Variants in MPDZ observed in about 807,000 individuals in gnomAD.
The protein encoded by MPDZ is multiple PDZ domain crumbs cell polarity complex component, also known as multiple PDZ domain protein.
In MPDZ, 234 loss-of-function variants were observed where a neutral mutation model predicts 239.1. The ratio of observed to expected loss-of-function variants is 0.98; its 90% confidence interval spans 0.88 to 1.09. MPDZ has a LOEUF of 1.09. Ranked by LOEUF, MPDZ falls within the 50% of genes least tolerant of loss-of-function variation. The pLI, the probability that MPDZ is intolerant of heterozygous loss-of-function variation, is 0.00. For missense variants in MPDZ, 3,175 were observed against 2,510.0 expected, an observed-to-expected ratio of 1.26 and a Z score of -5.66; for synonymous variants, 1,048 against 881.3, an observed-to-expected ratio of 1.19 and a Z score of -3.35.
intron 10 of MPDZ, among the ~76,000 whole-genome samples, chr9:13,215,048 C>T (rs1020492459): frequency 1.6e-4 from 25 of 152,086 alleles, no homozygotes; most frequent in Middle Eastern, 6.8e-3. Context: ...AGTATATTCA[C>T]ATCATTGTGC....
chr9:13,177,083 T>C (rs1232726651), intron 19 of MPDZ, among the ~76,000 whole-genome samples: 2 of 152,194 alleles, frequency 1.3e-5, no homozygotes, highest in Non-Finnish European at 2.9e-5. Context: ...CCTCTCTTTA[T>C]ATAATTTCTA....
Position 13,250,848 on chromosome 9 carries a change from G to A in MPDZ, c.-57-476C>T, listed in dbSNP as rs540398356. 4.6e-5 allele frequency among the ~76,000 whole-genome samples: 7 copies of A among 152,196 alleles called. No homozygotes were observed. In the South Asian group the frequency reaches 6.2e-4, roughly 14 times the overall value. ...CATACCTATTAGAAATGAACTGTGG[G>A]CTGGGCATGGTGGCTCACATCTTTA... is the stretch of plus-strand genomic sequence containing the variant. On this transcript the variant is annotated intron_variant, in intron 1 of 46. Transcript: ENST00000319217.
intron 28 of MPDZ, among the ~76,000 whole-genome samples, chr9:13,139,665 C>T (rs1263932876): frequency 6.6e-6 from 1 of 152,106 alleles, no homozygotes; most frequent in East Asian, 1.9e-4. Flanking sequence ...ATCTGATGCC[C>T]AGAAAGGGGT....
rs1241654978 is a variant in MPDZ, at chr9:13,272,577, G to C, written c.-58+6823C>G. 4.7e-4 allele frequency among the ~76,000 whole-genome samples: 71 copies of C among 151,716 alleles called. 1 individual carries two copies. Among genetic ancestry groups the C allele is most frequent in the Admixed American group, 4.7e-3 (71 of 15,206 alleles). On this transcript the variant is annotated intron_variant, in intron 1 of 46. Transcript: ENST00000319217. ...CTGTAATCCCAAATTAGAAAATGAG[G>C]CCGAGCGTGGTGGCTCACTCCTGTA...
At position 13,126,595 on chromosome 9, in the gene MPDZ, A is replaced by C. The variant is rs1299865972; in HGVS notation, c.4558-5T>G. On this transcript the variant is annotated splice_polypyrimidine_tract_variant and splice_region_variant and intron_variant, in intron 33 of 46. Transcript: ENST00000319217. ...TCCGACTTTGAGTCGTCCATCCTAA[A>C]TGGAAACGTAGAAGAATTTGAGTGA... 6.2e-7 allele frequency: 1 copy of C among 1,606,836 alleles called. No homozygotes were observed. The highest frequency in any genetic ancestry group is 1.3e-5 in the African/African-American group (1 of 74,918).
chr9:13,226,346 A>G (rs192639673), intron 3 of MPDZ, among the ~76,000 whole-genome samples: 3 of 152,270 alleles, frequency 2.0e-5, no homozygotes, highest in Non-Finnish European at 4.4e-5. Flanking sequence ...TTTCATATTT[A>G]TGTTGGGTGC....
chr9:13,114,305 T>C (rs1324379023), intron 40 of MPDZ, among the ~76,000 whole-genome samples: 2 of 152,192 alleles, frequency 1.3e-5, no homozygotes. Flanking sequence ...TAATCTTCTT[T>C]AAATTTAAAC....
intron 1 of MPDZ, among the ~76,000 whole-genome samples, chr9:13,271,572 T>A (rs1012761440): frequency 1.9e-4 from 29 of 152,276 alleles, no homozygotes; most frequent in Non-Finnish European, 3.5e-4. Flanking sequence ...CTTCTTTGGG[T>A]CTCTTCTTTT....
intron 39 of MPDZ, among the ~76,000 whole-genome samples, chr9:13,119,212 T>G (rs1943956183): frequency 6.6e-6 from 1 of 152,188 alleles, no homozygotes. Flanking sequence ...GCCTTCTGAG[T>G]AGCTGGGACT....
chr9:13,196,248 ATT>A lies in MPDZ; in HGVS notation c.1547-20_1547-19del. On this transcript the variant is annotated intron_variant, in intron 12 of 46. Coordinates refer to ENST00000319217, the MANE Select transcript of MPDZ (RefSeq NM_001378778.1). ...TGGATACCCTGAAACAGTCAAGGCAATTAAGTTAGCAGCAAACTACAGAAATC... is the reference window on the plus strand; with the variant it reads ...TGGATACCCTGAAACAGTCAAGGCAAAAGTTAGCAGCAAACTACAGAAATC... 6.5e-7 allele frequency: 1 copy of A among 1,534,218 alleles called. No individual in the cohort carries two copies. The highest frequency in any genetic ancestry group is 8.9e-7 in the Non-Finnish European group (1 of 1,122,930).
At chr9:13,143,585 C>G (rs138701801) in intron 26 of MPDZ, 21 bp from the exon 27 acceptor site, 2 of 1,581,784 alleles carry the variant, frequency 1.3e-6, no homozygotes, top group Admixed American at 1.7e-5. Context: ...ACATAAGAGG[C>G]GCTGAACGCA....
At chr9:13,228,322 C>T (rs558378361) in intron 3 of MPDZ, among the ~76,000 whole-genome samples, 1 of 152,082 alleles carries the variant, frequency 6.6e-6, no homozygotes, top group South Asian at 2.1e-4. Flanking sequence ...TTACCTAAAA[C>T]ATAACCTAAA....
At chr9:13,146,026 G>C (rs2132754514) in intron 26 of MPDZ, among the ~76,000 whole-genome samples, 1 of 152,058 alleles carries the variant, frequency 6.6e-6, no homozygotes, top group South Asian at 2.1e-4. Flanking sequence ...ACACACAAAT[G>C]GGAATAAATG....
intron 25 of MPDZ, among the ~76,000 whole-genome samples, chr9:13,148,183 A>G (rs1191602038): frequency 6.6e-6 from 1 of 152,100 alleles, no homozygotes; most frequent in Non-Finnish European, 1.5e-5. Context: ...GAATCCTTGC[A>G]GTAGATATGA....
chr9:13,204,959 C>T, intron 12 of MPDZ, 77 bp downstream of exon 12: 2 of 979,440 alleles, frequency 2.0e-6, no homozygotes, highest in Admixed American at 3.8e-5. Context: ...TCCATAGAGG[C>T]TTAATCACAT....
Position 13,188,859 on chromosome 9 carries a change from A to G in MPDZ, c.2289T>C (p.Ser763=). 1.9e-6 allele frequency: 3 copies of G among 1,613,562 alleles called. No homozygotes were observed. Among genetic ancestry groups the G allele is most frequent in the Non-Finnish European group, 2.5e-6 (3 of 1,179,606 alleles). Residue 763 remains serine, a synonymous_variant, in exon 17 of 47, where the codon AGT becomes AGC. Coordinates refer to ENST00000319217, the MANE Select transcript of MPDZ (RefSeq NM_001378778.1). ...TCAGTGCTTCTACAGCTTCCTCAAG[A>G]CTGCTGTTTTCCAAGTTAACATCGT... The part of the protein sequence containing the change: ...FVNDVNLENS[S]LEEAVEALKG...
chr9:13,221,591 A>G (rs1959099932), intron 6 of MPDZ, 91 bp from the exon 7 acceptor site: 1 of 1,317,562 alleles, frequency 7.6e-7, no homozygotes, highest in Admixed American at 2.4e-5. Context: ...TATTTTGTTA[A>G]TATTAAATAA....
chr9:13,257,747 G>A (rs1011848626), intron 1 of MPDZ, among the ~76,000 whole-genome samples: 3 of 152,134 alleles, frequency 2.0e-5, no homozygotes, highest in African/African-American at 4.8e-5. Flanking sequence ...ATAGAGGGTT[G>A]CCAGATTTAT....
intron 8 of MPDZ, among the ~76,000 whole-genome samples, chr9:13,218,645 T>C (rs1958667661): frequency 6.6e-6 from 1 of 151,870 alleles, no homozygotes; most frequent in Admixed American, 6.6e-5. Context: ...TGGAGGAGGT[T>C]AGGATATTAA....
Sources: allele counts gnomAD v4.1 joint callset (sites outside exome capture counted in the v4.1 genomes callset), GRCh38; gene constraint gnomAD v4.1.1; transcripts MANE v1.5; gene names NCBI Gene and HGNC (gene_info 2026-07-23, HGNC 2026-07-21).